The following MED20 variants were observed in gnomAD, a reference collection of about 807,000 sequenced individuals.
The protein encoded by MED20 is mediator complex subunit 20, also known as mediator of RNA polymerase II transcription subunit 20.
Under a neutral mutation model 19.7 loss-of-function variants are expected in MED20, and 19 were observed. The observed-to-expected ratio is 0.96, with a 90% CI of 0.67 to 1.42. MED20 has a LOEUF of 1.42. MED20 is among the 40% of genes most tolerant of loss of function. The probability of loss-of-function intolerance (pLI) is 0.00; values close to 1 mark genes in which losing one functional copy is unlikely to be tolerated. For missense variants in MED20, 225 were observed against 273.0 expected, an observed-to-expected ratio of 0.82 and a Z score of 1.24; for synonymous variants, 105 against 104.8, an observed-to-expected ratio of 1.00 and a Z score of -0.01.
chr6:41,907,060 A>T lies in MED20; in HGVS notation c.*12T>A. On this transcript the variant is annotated 3_prime_UTR_variant, in exon 4 of 4. Coordinates refer to ENST00000265350, the MANE Select transcript of MED20 (RefSeq NM_004275.5). ...CCCCTGGTGACAGAGCTCAGCTGGC[A>T]GCTGCTCATCACTAACGAATCCCAG... The T allele has an allele frequency of 6.2e-7, 1 of 1,611,868 alleles. No homozygotes were observed. The highest frequency in any genetic ancestry group is 8.5e-7 in the Non-Finnish European group (1 of 1,179,118).
chr6:41,907,282 C>G lies in MED20; in HGVS notation c.429G>C (p.Glu143Asp). The change falls in exon 4 of 4, where the codon GAG becomes GAC. Residue 143 changes from glutamate to aspartate, a missense_variant. Transcript: ENST00000265350. The part of the protein sequence containing the change: ...PSARGISVEV[E>D]YGPCVVASDC... ...CACTAGCTACCACACAGGGGCCATA[C>G]TCCACCTGGGAACCAAAAGCACAGA... 1 of 1,611,124 alleles carries G rather than the reference C, an allele frequency of 6.2e-7. No homozygotes were observed. Among genetic ancestry groups the G allele is most frequent in the Non-Finnish European group, 8.5e-7 (1 of 1,178,574 alleles).
chr6:41,909,341 GTACC>G lies in MED20; in HGVS notation c.347_350del (p.Arg116ThrfsTer8). The G allele has an allele frequency of 6.2e-7, 1 of 1,614,114 alleles. No individual in the cohort carries two copies. Among genetic ancestry groups the G allele is most frequent in the South Asian group, 1.1e-5 (1 of 91,074 alleles). On this transcript the variant is annotated frameshift_variant, in exon 3 of 4. Transcript: ENST00000265350. LOFTEE classifies it high-confidence loss of function. ...CCTTCACCAGGAAGTCACAGTACTG[GTACC>G]TGGTGCCCCGGGTCTCAATCTTGCT...
At chr6:41,918,242 G>A (rs1281173609) in intron 1 of MED20, among the ~76,000 whole-genome samples, 5 of 152,138 alleles carry the variant, frequency 3.3e-5, no homozygotes, top group Non-Finnish European at 5.9e-5. Flanking sequence ...GGTGGCTCAC[G>A]CCTGTAATCC....
At chr6:41,918,492 G>A (rs1226911114) in intron 1 of MED20, among the ~76,000 whole-genome samples, 6 of 147,346 alleles carry the variant, frequency 4.1e-5, no homozygotes, top group Non-Finnish European at 6.0e-5. Flanking sequence ...CAACAAGAGC[G>A]AAACTCCATC....
In MED20 at chr6:41,913,942, T is replaced by A. The variant is rs1775254681; in HGVS notation, c.169+2843A>T. On this transcript the variant is annotated intron_variant, in intron 2 of 3. Coordinates refer to ENST00000265350, the MANE Select transcript of MED20 (RefSeq NM_004275.5). ...CAATCTCAGTTCTAAATGCTTTGTATGTATTAACTTACTTAGCACAACATG... is the reference window on the plus strand; with the variant it reads ...CAATCTCAGTTCTAAATGCTTTGTAAGTATTAACTTACTTAGCACAACATG... Among the ~76,000 whole-genome samples the A allele has an allele frequency of 2.0e-5, 3 of 152,200 alleles. No homozygotes were observed. In the South Asian group the frequency reaches 6.2e-4, roughly 32 times the overall value.
At chr6:41,907,631 C>T (rs959536644) in intron 3 of MED20, among the ~76,000 whole-genome samples, 3 of 151,958 alleles carry the variant, frequency 2.0e-5, no homozygotes, top group Non-Finnish European at 4.4e-5. Context: ...CTAAGAGACA[C>T]AACAAAGAGA....
At chr6:41,914,905 G>T (rs1775277387) in intron 2 of MED20, among the ~76,000 whole-genome samples, 1 of 152,118 alleles carries the variant, frequency 6.6e-6, no homozygotes, top group Non-Finnish European at 1.5e-5. Context: ...AGCTCTAAAA[G>T]AATCATAAAC....
At chr6:41,912,352 CTTTT>C (rs70987544) in intron 2 of MED20, among the ~76,000 whole-genome samples, 2 of 87,634 alleles carry the variant, frequency 2.3e-5, no homozygotes, top group African/African-American at 5.5e-5. Flanking sequence ...GACCATAGTA[CTTTT>C]TTTTTTTTTT....
rs1463245027 is a variant in MED20, at chr6:41,916,952, G to C, written c.15-13C>G. On this transcript the variant is annotated splice_polypyrimidine_tract_variant and intron_variant, in intron 1 of 3. Transcript: ENST00000265350. ...CATCTGGGACACACTGGAAAGGAGAGCACCAAATCGTCAGTTATCCAGAGA... is the reference window on the plus strand; with the variant it reads ...CATCTGGGACACACTGGAAAGGAGACCACCAAATCGTCAGTTATCCAGAGA... 6.2e-7 allele frequency: 1 copy of C among 1,613,412 alleles called. No homozygotes were observed. The highest frequency in any genetic ancestry group is 8.5e-7 in the Non-Finnish European group (1 of 1,179,796).
chr6:41,913,635 C>T (rs1470368735), intron 2 of MED20, among the ~76,000 whole-genome samples: 1 of 152,214 alleles, frequency 6.6e-6, no homozygotes, highest in African/African-American at 2.4e-5. Context: ...TGCAGTGGCT[C>T]ATGCCTGTAA....
intron 2 of MED20, among the ~76,000 whole-genome samples, chr6:41,914,641 C>T (rs144787201): frequency 2.0e-5 from 3 of 151,996 alleles, no homozygotes; most frequent in African/African-American, 7.2e-5. Flanking sequence ...ATTGCCTAAG[C>T]CCAGGAGTTA....
At chr6:41,913,202 CTG>C (rs1775239564) in intron 2 of MED20, 1 of 151,978 alleles carries the variant, frequency 6.6e-6, no homozygotes, top group Admixed American at 6.6e-5. Flanking sequence ...GTCTAGCAAT[CTG>C]TGTGGTAACA....
chr6:41,911,999 C>T (rs1272956647), intron 2 of MED20, among the ~76,000 whole-genome samples: 2 of 151,816 alleles, frequency 1.3e-5, no homozygotes, highest in Non-Finnish European at 2.9e-5. Context: ...TGTGTGTGCG[C>T]TTAATGAAGA....
Position 41,916,922 on chromosome 6 carries a change from A to G in MED20, c.32T>C (p.Val11Ala). 6.2e-7 allele frequency: 1 copy of G among 1,614,050 alleles called. No individual in the cohort carries two copies. Among genetic ancestry groups the G allele is most frequent in the South Asian group, 1.1e-5 (1 of 91,082 alleles). Reference sequence around the variant, plus strand: ...TTGCTGAACACTCTTGCCCTCGGCCACAGGCATCTGGGACACACTGGAAAG... The same window carrying G: ...TTGCTGAACACTCTTGCCCTCGGCCGCAGGCATCTGGGACACACTGGAAAG... Reference protein sequence around the residue: MGVTCVSQMPVAEGKSVQQTV... With the variant: MGVTCVSQMPAAEGKSVQQTV... Residue 11 changes from valine (V) to alanine (A), a missense_variant, in exon 2 of 4, where the codon GTG (valine) becomes GCG (alanine). By Grantham distance (64) the Val-to-Ala change is moderately conservative (BLOSUM62 0). Transcript: ENST00000265350.
chr6:41,913,840 G>A (rs532144890), intron 2 of MED20, among the ~76,000 whole-genome samples: 8 of 152,274 alleles, frequency 5.3e-5, no homozygotes, highest in African/African-American at 1.9e-4. Flanking sequence ...GGAGGTTGCA[G>A]TGAGACGAGA....
In MED20 at chr6:41,906,953, G is replaced by A; in HGVS notation, c.*119C>T. 1 of 850,036 alleles carries A rather than the reference G, an allele frequency of 1.2e-6. No individual in the cohort carries two copies. The highest frequency in any genetic ancestry group is 1.8e-6 in the Non-Finnish European group (1 of 546,008). The allele number at this position is 850,036 out of a possible 1,614,324, so 52.7% of individuals were successfully genotyped here. ...ACAAAAGCCACAGCTGAGAACCAGA[G>A]AAGGAGAGTAGAGTCCATGTCTACC... On this transcript the variant is annotated 3_prime_UTR_variant, in exon 4 of 4. Transcript: ENST00000265350.
intron 2 of MED20, among the ~76,000 whole-genome samples, chr6:41,915,488 A>G (rs966802373): frequency 6.9e-6 from 1 of 144,132 alleles, no homozygotes; most frequent in Non-Finnish European, 1.5e-5. Flanking sequence ...GCAAGACTCT[A>G]TCTCTTAAAA....
chr6:41,916,690 C>A, intron 2 of MED20, 95 bp downstream of exon 2: 1 of 1,467,284 alleles, frequency 6.8e-7, no homozygotes, highest in South Asian at 1.3e-5. Context: ...TTAAGAATAC[C>A]ACCTTTAGCA....
chr6:41,919,354 C>G (rs1319536808), intron 1 of MED20, among the ~76,000 whole-genome samples: 1 of 152,090 alleles, frequency 6.6e-6, no homozygotes, highest in Middle Eastern at 3.2e-3. Flanking sequence ...AACAATAGTA[C>G]AAGCAGTACT....
Sources: allele counts gnomAD v4.1 joint callset (sites outside exome capture counted in the v4.1 genomes callset), GRCh38; gene constraint gnomAD v4.1.1; transcripts MANE v1.5; gene names NCBI Gene and HGNC (gene_info 2026-07-23, HGNC 2026-07-21).